The following RBPMS variants were observed in gnomAD, a reference collection of about 807,000 sequenced individuals.
The protein encoded by RBPMS is RNA-binding protein with multiple splicing.
A neutral mutation model predicts 26.8 loss-of-function variants in RBPMS; 7 were observed. The observed-to-expected ratio is 0.26, with a 90% CI of 0.15 to 0.49. The LOEUF is 0.49. Among genes scored for constraint, RBPMS ranks in the 20% least tolerant of loss-of-function variants. RBPMS has a pLI of 0.98. For synonymous variants in RBPMS, 96 were observed against 93.3 expected, an observed-to-expected ratio of 1.03 and a Z score of -0.17; for missense variants, 186 against 250.0, an observed-to-expected ratio of 0.74 and a Z score of 1.73.
intron 1 of RBPMS, among the ~76,000 whole-genome samples, chr8:30,472,940 C>CAG (rs1817294309): frequency 6.6e-6 from 1 of 152,152 alleles, no homozygotes; most frequent in African/African-American, 2.4e-5. Context: ...TGGTAGCAGA[C>CAG]TGTCTGTCTG....
intron 5 of RBPMS, among the ~76,000 whole-genome samples, chr8:30,523,653 G>A (rs1203471690): frequency 6.6e-6 from 1 of 151,228 alleles, no homozygotes; most frequent in African/African-American, 2.4e-5. Flanking sequence ...ATCTAACCTT[G>A]ATGCTTTTTC....
At chr8:30,462,640 C>G (rs1442927184) in intron 1 of RBPMS, among the ~76,000 whole-genome samples, 1 of 152,094 alleles carries the variant, frequency 6.6e-6, no homozygotes, top group Non-Finnish European at 1.5e-5. Flanking sequence ...GTCTGCCAGG[C>G]TGGTCTCGAA....
intron 2 of RBPMS, among the ~76,000 whole-genome samples, chr8:30,475,432 T>C (rs1817585641): frequency 6.6e-6 from 1 of 152,222 alleles, no homozygotes; most frequent in Non-Finnish European, 1.5e-5. Context: ...TTTTGAAGGT[T>C]GGCCTTTGGA....
intron 1 of RBPMS, among the ~76,000 whole-genome samples, chr8:30,449,126 C>G (rs1814226562): frequency 6.6e-6 from 1 of 152,126 alleles, no homozygotes; most frequent in Non-Finnish European, 1.5e-5. Context: ...TTGAACAGTT[C>G]CCATTGTGGC....
chr8:30,564,015 A>G (rs1241155750), intron 7 of RBPMS: 2 of 152,240 alleles, frequency 1.3e-5, no homozygotes, highest in Non-Finnish European at 2.9e-5. Flanking sequence ...GGTAATAGGT[A>G]ATCAAATAGA....
intron 4 of RBPMS, among the ~76,000 whole-genome samples, chr8:30,493,940 G>T (rs1322459624): frequency 1.3e-5 from 2 of 152,218 alleles, no homozygotes. Context: ...ATACATAGGG[G>T]TGGTTGGCTA....
chr8:30,513,654 T>C (rs1394378900), intron 5 of RBPMS, among the ~76,000 whole-genome samples: 1 of 151,270 alleles, frequency 6.6e-6, no homozygotes, highest in Non-Finnish European at 1.5e-5. Context: ...CATATTTCTA[T>C]TGTAATGCAA....
chr8:30,550,817 G>T (rs529402330), intron 6 of RBPMS, among the ~76,000 whole-genome samples: 1 of 152,198 alleles, frequency 6.6e-6, no homozygotes, highest in Non-Finnish European at 1.5e-5. Flanking sequence ...AAATACATCC[G>T]GGGTGGAGGG....
chr8:30,495,708 C>T (rs781201509), intron 4 of RBPMS, among the ~76,000 whole-genome samples: 3 of 152,192 alleles, frequency 2.0e-5, no homozygotes, highest in South Asian at 2.1e-4. Context: ...GTCCTGATGT[C>T]TTTGCAAGCA....
intron 1 of RBPMS, chr8:30,446,854 C>CACGCACGT (rs113940653): frequency 2.9e-5 from 4 of 138,010 alleles, no homozygotes; most frequent in African/African-American, 8.8e-5. Context: ...CGCGCGCGCG[C>CACGCACGT]GCGCGGTGGA....
At chr8:30,391,605 T>A (rs572727171) in intron 1 of RBPMS, among the ~76,000 whole-genome samples, 1 of 152,316 alleles carries the variant, frequency 6.6e-6, no homozygotes, top group East Asian at 1.9e-4. Context: ...GTCAGTTCCA[T>A]GCCCCTGGTG....
rs1057005716 is a variant in RBPMS at position 30,384,853 on chromosome 8, C to G, written c.-240C>G. The G allele has an allele frequency of 9.0e-6, 3 of 333,534 alleles. No homozygotes were observed. The highest frequency in any genetic ancestry group is 1.6e-5 in the Non-Finnish European group (3 of 185,878). 20.7% of individuals were successfully genotyped at this position (333,534 alleles called of 1,614,324 possible). ...CGGTGCCCCGCTCCCGGCCCGCGCC[C>G]TGCCCCGTCTCTCCCTTGCACTTCC... is the stretch of plus-strand genomic sequence containing the variant. On this transcript the variant is annotated 5_prime_UTR_variant, in exon 1 of 9. Coordinates refer to ENST00000397323, the MANE Select transcript of RBPMS (RefSeq NM_001008710.3). The surrounding 1 kb of genome is among the most constrained non-coding windows in gnomAD (Gnocchi z 5.6).
At chr8:30,429,729 C>T (rs1439989083) in intron 1 of RBPMS, among the ~76,000 whole-genome samples, 1 of 152,078 alleles carries the variant, frequency 6.6e-6, no homozygotes, top group Non-Finnish European at 1.5e-5. Flanking sequence ...AAGATAGCAG[C>T]CCAATAAATT....
At chr8:30,450,787 CAAAAAAAAA>C (rs59577795) in intron 1 of RBPMS, among the ~76,000 whole-genome samples, 2 of 87,382 alleles carry the variant, frequency 2.3e-5, no homozygotes, top group African/African-American at 4.4e-5. Context: ...TGCCTGAAAG[CAAAAAAAAA>C]AAAAAAAAAA....
chr8:30,566,398 G>A (rs1054692427), intron 8 of RBPMS, 38 bp downstream of exon 8: 160 of 727,806 alleles, frequency 2.2e-4, no homozygotes, highest in African/African-American at 1.6e-3. Flanking sequence ...CCTCAGGGGC[G>A]GCATGGCGAA....
At chr8:30,549,826 CTT>C (rs1404946305) in intron 6 of RBPMS, among the ~76,000 whole-genome samples, 4 of 123,566 alleles carry the variant, frequency 3.2e-5, no homozygotes, top group Middle Eastern at 4.3e-3. Context: ...CTCTCTCTCT[CTT>C]TTCTTTCTTT....
chr8:30,506,587 C>T (rs1053963694), intron 5 of RBPMS, among the ~76,000 whole-genome samples: 2 of 152,084 alleles, frequency 1.3e-5, no homozygotes, highest in African/African-American at 4.8e-5. Context: ...TGGGTCTACA[C>T]GGACAAACCC....
intron 5 of RBPMS, among the ~76,000 whole-genome samples, chr8:30,533,119 AT>A (rs1480097518): frequency 5.3e-5 from 8 of 152,210 alleles, no homozygotes; most frequent in Non-Finnish European, 1.2e-4. Flanking sequence ...TCATAACTTC[AT>A]TTAAGAATTA....
chr8:30,453,028 G>A (rs1052555004), intron 1 of RBPMS, among the ~76,000 whole-genome samples: 9 of 152,016 alleles, frequency 5.9e-5, no homozygotes, highest in Admixed American at 3.9e-4. Context: ...CCCCTTCCTC[G>A]TGGATTCATT....
Sources: gnomAD v4.1 joint callset for allele counts (sites outside exome capture counted in the v4.1 genomes callset) on GRCh38, gnomAD v4.1.1 for gene constraint, Gnocchi (gnomAD v3.1) non-coding constraint, MANE v1.5 for transcripts, NCBI Gene and HGNC (gene_info 2026-07-23, HGNC 2026-07-21) for gene names.